TRPS1: variants seen among roughly 807,000 people sequenced by gnomAD.
The protein encoded by TRPS1 is zinc finger transcription factor Trps1.
In TRPS1, 6 loss-of-function variants were observed where a neutral mutation model predicts 101.2. The observed-to-expected ratio is 0.06, with a 90% confidence interval of 0.03 to 0.12. The LOEUF is 0.12. Ranked by LOEUF, TRPS1 falls within the 10% of genes least tolerant of loss-of-function variation. The probability of loss-of-function intolerance (pLI) is 1.00; values close to 1 mark genes in which losing one functional copy is unlikely to be tolerated. For missense variants in TRPS1, 1,363 were observed against 1,567.0 expected, an observed-to-expected ratio of 0.87 and a Z score of 2.20; for synonymous variants, 578 against 589.8, an observed-to-expected ratio of 0.98 and a Z score of 0.29.
At chr8:115,594,417 G>C (rs1236243869) in intron 4 of TRPS1, among the ~76,000 whole-genome samples, 2 of 151,954 alleles carry the variant, frequency 1.3e-5, no homozygotes, top group African/African-American at 4.8e-5. Flanking sequence ...GAATATTTTA[G>C]TGAATGCTGC....
At chr8:115,521,610 G>T (rs1222117905) in intron 5 of TRPS1, among the ~76,000 whole-genome samples, 1 of 151,752 alleles carries the variant, frequency 6.6e-6, no homozygotes, top group East Asian at 1.9e-4. Flanking sequence ...GTTCTGTTAT[G>T]ATTGCTTTGA....
chr8:115,533,436 GTTTTTT>G lies in TRPS1; in HGVS notation c.2700+53559_2700+53564del, dbSNP rs1161916592. Among the ~76,000 whole-genome samples, 54 of 35,002 alleles carry G rather than the reference GTTTTTT, an allele frequency of 1.5e-3. 2 individuals carry two copies. The highest frequency in any genetic ancestry group is 0.028 in the Middle Eastern group (1 of 36). 23.0% of individuals were successfully genotyped at this position (35,002 alleles called of 152,430 possible). On this transcript the variant is annotated intron_variant, in intron 5 of 6. Transcript: ENST00000395715. ...GGGGCCCGCTTCCCACATGTAATCTGTTTTTTTTTTTTTTTTTTTTTTTCCTGAAAA... is the reference window on the plus strand; with the variant it reads ...GGGGCCCGCTTCCCACATGTAATCTGTTTTTTTTTTTTTTTTTCCTGAAAA...
At chr8:115,518,215 C>A (rs1004096863) in intron 5 of TRPS1, among the ~76,000 whole-genome samples, 2 of 151,662 alleles carry the variant, frequency 1.3e-5, no homozygotes, top group African/African-American at 4.8e-5. Context: ...AATGGAATGA[C>A]AATACTATAA....
intron 5 of TRPS1, among the ~76,000 whole-genome samples, chr8:115,458,452 G>A (rs1814083938): frequency 6.6e-6 from 1 of 152,108 alleles, no homozygotes; most frequent in South Asian, 2.1e-4. Context: ...CAGGTCCTGC[G>A]AGCAGCTGTG....
chr8:115,664,535 T>C (rs1053543374), intron 1 of TRPS1, among the ~76,000 whole-genome samples: 1 of 152,130 alleles, frequency 6.6e-6, no homozygotes, highest in African/African-American at 2.4e-5. Flanking sequence ...CTGTCATTAA[T>C]TTCCCAAAAC....
chr8:115,645,278 C>T (rs1334672273), intron 1 of TRPS1, among the ~76,000 whole-genome samples: 3 of 152,042 alleles, frequency 2.0e-5, no homozygotes, highest in African/African-American at 4.8e-5. Context: ...GTGGTTATAA[C>T]CCAGAATCAC....
chr8:115,578,589 T>C (rs1177782600), intron 5 of TRPS1, among the ~76,000 whole-genome samples: 2 of 152,044 alleles, frequency 1.3e-5, no homozygotes, highest in Non-Finnish European at 1.5e-5. Flanking sequence ...TGGGATGTAT[T>C]TGTTGATGAG....
chr8:115,533,436 G>GTTTTTTTTTTTTTGTTTTTTTTTTT (rs1816189208), intron 5 of TRPS1, among the ~76,000 whole-genome samples: 7 of 34,982 alleles, frequency 2.0e-4, no homozygotes, highest in Admixed American at 1.3e-3. Flanking sequence ...CATGTAATCT[G>GTTTTTTTTTTTTTGTTTTTTTTTTT]TTTTTTTTTT....
At chr8:115,428,507 A>G (rs1813242317) in intron 5 of TRPS1, among the ~76,000 whole-genome samples, 1 of 152,234 alleles carries the variant, frequency 6.6e-6, no homozygotes, top group African/African-American at 2.4e-5. Flanking sequence ...AAAGATGGCA[A>G]CCACTGCTTA....
intron 5 of TRPS1, among the ~76,000 whole-genome samples, chr8:115,556,348 C>T (rs1816820199): frequency 6.6e-6 from 1 of 152,084 alleles, no homozygotes; most frequent in Non-Finnish European, 1.5e-5. Context: ...CTTTTTTTTA[C>T]TGACTGATAA....
chr8:115,591,474 T>G (rs1817677417), intron 4 of TRPS1, among the ~76,000 whole-genome samples: 1 of 152,120 alleles, frequency 6.6e-6, no homozygotes, highest in South Asian at 2.1e-4. Context: ...GCCCAAAACA[T>G]GAGTTCATCA....
intron 5 of TRPS1, chr8:115,515,431 T>A: frequency 1.7e-6 from 1 of 575,006 alleles, no homozygotes; most frequent in Admixed American, 2.9e-5. Context: ...TTTCCTATGA[T>A]TTTAAATGTC....
chr8:115,647,467 C>T (rs1255414923), intron 1 of TRPS1, among the ~76,000 whole-genome samples: 1 of 152,030 alleles, frequency 6.6e-6, no homozygotes, highest in Non-Finnish European at 1.5e-5. Flanking sequence ...AATACAGTAG[C>T]CTTATATACA....
chr8:115,662,414 C>A (rs973259287), intron 1 of TRPS1, among the ~76,000 whole-genome samples: 1 of 151,820 alleles, frequency 6.6e-6, no homozygotes, highest in Non-Finnish European at 1.5e-5. Context: ...AGATTTAAAC[C>A]TCAGGAACAA....
chr8:115,662,785 A>T (rs1219718713), intron 1 of TRPS1, among the ~76,000 whole-genome samples: 1 of 151,998 alleles, frequency 6.6e-6, no homozygotes, highest in East Asian at 1.9e-4. Context: ...AGCTGCCTGT[A>T]GAAACGCACT....
intron 5 of TRPS1, among the ~76,000 whole-genome samples, chr8:115,541,636 A>C (rs1276074355): frequency 1.3e-5 from 2 of 152,278 alleles, no homozygotes; most frequent in East Asian, 3.9e-4. Context: ...TTATATCCAA[A>C]AACTAATCTT....
rs775075028 is a variant in TRPS1 at position 115,605,013 on chromosome 8, G to A, written c.967-11C>T. 9.3e-6 allele frequency: 15 copies of A among 1,611,524 alleles called. No individual in the cohort carries two copies. Among genetic ancestry groups the A allele is most frequent in the Admixed American group, 1.7e-5 (1 of 59,962 alleles). ...TCCACCTGAAGTCACCTGGAGAACA[G>A]AAGAAATGGACTTTACTTCCAAGGT... On this transcript the variant is annotated splice_polypyrimidine_tract_variant and intron_variant, in intron 3 of 6. Transcript: ENST00000395715.
At chr8:115,581,843 G>A (rs1236988829) in intron 5 of TRPS1, among the ~76,000 whole-genome samples, 1 of 152,056 alleles carries the variant, frequency 6.6e-6, no homozygotes, top group African/African-American at 2.4e-5. Context: ...ACATATTTGA[G>A]TTTAAATCAT....
At chr8:115,640,206 T>C (rs181518209) in intron 1 of TRPS1, among the ~76,000 whole-genome samples, 1 of 152,338 alleles carries the variant, frequency 6.6e-6, no homozygotes, top group Non-Finnish European at 1.5e-5. Flanking sequence ...AAATTCCTCG[T>C]GATGGATTAT....
Sources: gnomAD v4.1 joint callset for allele counts (sites outside exome capture counted in the v4.1 genomes callset) on GRCh38, gnomAD v4.1.1 for gene constraint, MANE v1.5 for transcripts, NCBI Gene and HGNC (gene_info 2026-07-23, HGNC 2026-07-21) for gene names.